The following RORA variants were observed in gnomAD, a reference collection of about 807,000 sequenced individuals.
RORA encodes the protein RAR related orphan receptor A.
RORA carries 7 observed loss-of-function variants against 69.5 expected under a neutral mutation model. The observed-to-expected ratio is 0.10, with a 90% confidence interval of 0.06 to 0.19. The LOEUF (loss-of-function observed/expected upper bound fraction) is 0.19. Among genes scored for constraint, RORA ranks in the 10% least tolerant of loss-of-function variants. RORA has a pLI of 1.00. For synonymous variants in RORA, 261 were observed against 240.8 expected (o/e 1.08, Z -0.78); for missense variants, 457 against 663.0 (o/e 0.69, Z 3.41).
chr15:60,729,275 A>G (rs1403776618), intron 1 of RORA, among the ~76,000 whole-genome samples: 1 of 152,186 alleles, frequency 6.6e-6, no homozygotes, highest in African/African-American at 2.4e-5. Flanking sequence ...TAAAGAGGAC[A>G]ACACATTAAC....
intron 3 of RORA, among the ~76,000 whole-genome samples, chr15:60,523,463 A>T (rs1372540055): frequency 6.6e-6 from 1 of 152,224 alleles, no homozygotes; most frequent in Non-Finnish European, 1.5e-5. Flanking sequence ...TATCAATGAG[A>T]TAGATACCAA....
rs987553712 is a variant in RORA at position 60,711,534 on chromosome 15, C to T, written c.167-32848G>A. Among the ~76,000 whole-genome samples, 13 of 152,232 alleles carry T rather than the reference C, an allele frequency of 8.5e-5. No homozygotes were observed. In the South Asian group the frequency reaches 1.7e-3, roughly 19 times the overall value. On this transcript the variant is annotated intron_variant, in intron 1 of 10. Coordinates refer to ENST00000335670, the MANE Select transcript of RORA (RefSeq NM_134261.3). ...CCCCATTTTTGCATCCTTCCTTCCT[C>T]GCACTCACACTGTGAACCAGAAGGG...
At chr15:60,992,365 T>C (rs747118400) in intron 1 of RORA, among the ~76,000 whole-genome samples, 37 of 151,976 alleles carry the variant, frequency 2.4e-4, no homozygotes, top group Non-Finnish European at 4.3e-4. Context: ...GAGGGAAATC[T>C]AGGTACTTGT....
intron 1 of RORA, among the ~76,000 whole-genome samples, chr15:61,009,089 C>T (rs1273476525): frequency 1.3e-5 from 2 of 152,086 alleles, no homozygotes; most frequent in South Asian, 4.2e-4. Flanking sequence ...AATACAAATG[C>T]GAATCTGAAA....
chr15:61,227,499 C>T (rs1483740717), intron 1 of RORA, among the ~76,000 whole-genome samples: 1 of 151,524 alleles, frequency 6.6e-6, no homozygotes, highest in Non-Finnish European at 1.5e-5. Flanking sequence ...ATGTTTTTCG[C>T]GTGTGTCATC....
At chr15:61,139,058 G>A (rs981246655) in intron 1 of RORA, among the ~76,000 whole-genome samples, 3 of 151,870 alleles carry the variant, frequency 2.0e-5, no homozygotes, top group Non-Finnish European at 2.9e-5. Flanking sequence ...GCAGGAGAAC[G>A]GCACGAACCC....
At chr15:61,015,106 A>T (rs953596334) in intron 1 of RORA, among the ~76,000 whole-genome samples, 6 of 152,198 alleles carry the variant, frequency 3.9e-5, no homozygotes, top group Non-Finnish European at 8.8e-5. Context: ...TCAGCAAGAG[A>T]ATTAGTGTGC....
At chr15:60,500,542 A>G (rs2065298675) in intron 9 of RORA, among the ~76,000 whole-genome samples, 1 of 152,222 alleles carries the variant, frequency 6.6e-6, no homozygotes, top group Non-Finnish European at 1.5e-5. Context: ...TACTGGTTGA[A>G]AACACAGATT....
At chr15:60,682,032 G>A (rs1344164789) in intron 1 of RORA, 3 of 152,162 alleles carry the variant, frequency 2.0e-5, no homozygotes, top group African/African-American at 7.2e-5. Context: ...CTGAGCTTGC[G>A]TGTATAGCCC....
chr15:60,499,671 C>G (rs1327042280), intron 10 of RORA, among the ~76,000 whole-genome samples: 1 of 152,182 alleles, frequency 6.6e-6, no homozygotes, highest in African/African-American at 2.4e-5. Context: ...CTTATTGCTG[C>G]AGGACACTTT....
At chr15:60,668,996 G>A (rs1227416353) in intron 2 of RORA, among the ~76,000 whole-genome samples, 1 of 152,160 alleles carries the variant, frequency 6.6e-6, no homozygotes. Flanking sequence ...GAGTGAGCAA[G>A]GTTTGGAATT....
intron 2 of RORA, among the ~76,000 whole-genome samples, chr15:60,657,332 C>T (rs1473407135): frequency 1.3e-5 from 2 of 152,136 alleles, no homozygotes; most frequent in East Asian, 1.9e-4. Context: ...GCCAATACCC[C>T]CCTGCCCCAC....
chr15:60,561,146 A>G (rs1237324833), intron 2 of RORA, among the ~76,000 whole-genome samples: 1 of 143,310 alleles, frequency 7.0e-6, no homozygotes, highest in Non-Finnish European at 1.5e-5. Flanking sequence ...CAGTGGCGCG[A>G]TCTCGGCTCA....
At chr15:60,842,260 C>G (rs555149907) in intron 1 of RORA, among the ~76,000 whole-genome samples, 4 of 152,252 alleles carry the variant, frequency 2.6e-5, no homozygotes, top group East Asian at 1.9e-4. Context: ...TTTCCCCAAA[C>G]AGCAATTTAT....
At chr15:60,904,337 G>C (rs1165508500) in intron 1 of RORA, among the ~76,000 whole-genome samples, 1 of 152,188 alleles carries the variant, frequency 6.6e-6, no homozygotes. Flanking sequence ...GGGGGCTAAG[G>C]AGCCTCCTAG....
intron 1 of RORA, among the ~76,000 whole-genome samples, chr15:61,162,650 G>A (rs76263103): frequency 0.023 from 3,457 of 152,146 alleles, 107 homozygotes; most frequent in East Asian, 0.16. Flanking sequence ...CTCTTACTAC[G>A]GCTAAAGAAA....
chr15:60,790,940 T>C (rs775839014), intron 1 of RORA, among the ~76,000 whole-genome samples: 1 of 152,194 alleles, frequency 6.6e-6, no homozygotes, highest in Admixed American at 6.5e-5. Context: ...GAAATGTCTA[T>C]GACCTTCAGA....
chr15:60,599,572 G>T (rs532255874), intron 2 of RORA, among the ~76,000 whole-genome samples: 1 of 88,458 alleles, frequency 1.1e-5, no homozygotes, highest in South Asian at 5.7e-4. Flanking sequence ...GAAAATAAAA[G>T]AACACAGTTG....
At chr15:60,741,518 TCAGA>T (rs2140849400) in intron 1 of RORA, among the ~76,000 whole-genome samples, 1 of 152,154 alleles carries the variant, frequency 6.6e-6, no homozygotes, top group African/African-American at 2.4e-5. Context: ...GAGGATAGGG[TCAGA>T]CAGACTGAAA....
Sources: allele counts gnomAD v4.1 joint callset (sites outside exome capture counted in the v4.1 genomes callset), GRCh38; gene constraint gnomAD v4.1.1; transcripts MANE v1.5; gene names NCBI Gene and HGNC (gene_info 2026-07-23, HGNC 2026-07-21).